The following STK32C variants were observed in gnomAD, a reference collection of about 807,000 sequenced individuals.
The protein encoded by STK32C is serine/threonine kinase 32C.
STK32C carries 31 observed loss-of-function variants against 56.5 expected under a neutral mutation model. That is an observed-to-expected ratio of 0.55 (90% CI 0.41 to 0.74). STK32C has a LOEUF of 0.74. STK32C is among the 30% of genes least tolerant of loss of function. The pLI is 0.00. For missense variants in STK32C, 544 were observed against 676.9 expected (o/e 0.80, Z 2.18); for synonymous variants, 309 against 289.4 (o/e 1.07, Z -0.69).
chr10:132,264,395 G>A (rs140354169), intron 1 of STK32C, among the ~76,000 whole-genome samples: 324 of 152,336 alleles, frequency 2.1e-3, no homozygotes, highest in Admixed American at 3.3e-3. Flanking sequence ...GAACTGAGCC[G>A]CAGGGACCCC....
intron 1 of STK32C, among the ~76,000 whole-genome samples, chr10:132,248,674 A>G (rs1565107400): frequency 6.6e-6 from 1 of 152,212 alleles, no homozygotes; most frequent in Non-Finnish European, 1.5e-5. Flanking sequence ...GGACGGCCAC[A>G]TGGCACCTGC....
rs759334059 is a variant in STK32C at position 132,225,620 on chromosome 10, T to G, written c.683-4A>C. ...AAGTCGGTCAGGTGTGCATGTCCTG[T>G]GCAGAGAGGGGTCAGGTGTGGCTGT... On this transcript the variant is annotated splice_region_variant and splice_polypyrimidine_tract_variant and intron_variant, in intron 5 of 11. Transcript: ENST00000298630. 11 of 1,610,958 alleles carry G rather than the reference T, an allele frequency of 6.8e-6. No individual in the cohort carries two copies. The African/African-American group carries it at 1.5e-4, about 22-fold the overall frequency.
At chr10:132,277,996 G>A (rs1008556916) in intron 1 of STK32C, among the ~76,000 whole-genome samples, 1 of 152,200 alleles carries the variant, frequency 6.6e-6, no homozygotes, top group Non-Finnish European at 1.5e-5. Flanking sequence ...GGCAAAGCAA[G>A]GCTTCGGAGT....
upstream of STK32C, among the ~76,000 whole-genome samples, chr10:132,312,310 C>A (rs2066238721): frequency 6.6e-6 from 1 of 152,068 alleles, no homozygotes; most frequent in Non-Finnish European, 1.5e-5. Context: ...CACCCAGCCT[C>A]TCGTCTAAAT....
rs116980302 is a variant in STK32C, at chr10:132,240,419, C to T, written c.318+5481G>A. ...CACAGGCACTGTCTTCTCGCTGAGA[C>T]GGCACAGGGGGCCCAGGTAAGGTGG... On this transcript the variant is annotated intron_variant, in intron 2 of 11. Transcript: ENST00000298630. Among the ~76,000 whole-genome samples the T allele has an allele frequency of 1.7e-3, 257 of 152,328 alleles. 7 individuals carry two copies. The East Asian group carries it at 0.043, about 25-fold the overall frequency.
rs568242475 is a variant in STK32C, at chr10:132,227,996, C to A, written c.451G>T (p.Val151Phe). The A allele has an allele frequency of 1.2e-6, 2 of 1,613,422 alleles. No homozygotes were observed. The highest frequency in any genetic ancestry group is 1.3e-5 in the African/African-American group (1 of 74,940). The change falls in exon 3 of 12, where the codon GTC becomes TTC. Residue 151 changes from valine to phenylalanine, a missense_variant. Coordinates refer to ENST00000298630, the MANE Select transcript of STK32C (RefSeq NM_173575.4). ...GCTCACCAGAGGTTCACCAGGAAGA[C>A]GTGCTCGATCTCCTGCAGGATCTCC... ...ELEILQEIEH[V>F]FLVNLWYSFQ...
intron 10 of STK32C, among the ~76,000 whole-genome samples, chr10:132,215,344 C>T (rs1300760425): frequency 6.6e-6 from 1 of 152,116 alleles, no homozygotes; most frequent in Non-Finnish European, 1.5e-5. Flanking sequence ...GTTTGGCTGT[C>T]TCCCCACCCC....
chr10:132,273,206 G>A (rs2064884557), intron 1 of STK32C, among the ~76,000 whole-genome samples: 1 of 152,062 alleles, frequency 6.6e-6, no homozygotes, highest in Non-Finnish European at 1.5e-5. Flanking sequence ...AGGCTGACGG[G>A]GCATCTGATA....
At chr10:132,288,175 G>A (rs549338453) in intron 1 of STK32C, among the ~76,000 whole-genome samples, 1 of 152,202 alleles carries the variant, frequency 6.6e-6, no homozygotes, top group African/African-American at 2.4e-5. Context: ...GAGTGAGGGA[G>A]GGAAGAAGAG....
intron 1 of STK32C, among the ~76,000 whole-genome samples, chr10:132,254,528 A>C (rs1276122632): frequency 2.7e-5 from 3 of 112,978 alleles, no homozygotes; most frequent in African/African-American, 1.2e-4. Flanking sequence ...GAGTAAAATA[A>C]GCCTGCCGCA....
At chr10:132,293,934 C>T (rs151011957) in intron 1 of STK32C, among the ~76,000 whole-genome samples, 106 of 152,232 alleles carry the variant, frequency 7.0e-4, no homozygotes, top group African/African-American at 2.4e-3. Context: ...GTCACAGGCA[C>T]GAGGGAAGGG....
chr10:132,329,401 G>C (rs1424539133), intron 1 of STK32C, among the ~76,000 whole-genome samples: 1 of 152,040 alleles, frequency 6.6e-6, no homozygotes, highest in Non-Finnish European at 1.5e-5. Context: ...GTGACAGACT[G>C]AGACCCTGTC....
chr10:132,283,799 G>A lies in STK32C; in HGVS notation c.262+23773C>T, dbSNP rs370498520. Among the ~76,000 whole-genome samples, 221 of 152,220 alleles carry A rather than the reference G, an allele frequency of 1.5e-3. 1 individual carries two copies. Among genetic ancestry groups the A allele is most frequent in the African/African-American group, 4.8e-3 (200 of 41,532 alleles). On this transcript the variant is annotated intron_variant, in intron 1 of 11. Transcript: ENST00000298630. ...AAACACAGCTGCTGCCTCCTCCTCC[G>A]CCCCCATGGCTGGCTGTGGCTCCAC...
intron 7 of STK32C, 42 bp downstream of exon 7, chr10:132,225,191 G>A: frequency 6.6e-7 from 1 of 1,519,524 alleles, no homozygotes; most frequent in East Asian, 2.4e-5. Flanking sequence ...GCAGAGAGCA[G>A]GGGCCTGGCA....
At chr10:132,243,273 A>G (rs889894317) in intron 2 of STK32C, among the ~76,000 whole-genome samples, 6 of 152,188 alleles carry the variant, frequency 3.9e-5, no homozygotes, top group African/African-American at 7.2e-5. Context: ...AACAAGCACA[A>G]TTAGGCAGCG....
intron 1 of STK32C, among the ~76,000 whole-genome samples, chr10:132,277,241 A>G (rs2065020242): frequency 6.6e-6 from 1 of 152,314 alleles, no homozygotes; most frequent in Non-Finnish European, 1.5e-5. Context: ...GAAGGGAGTC[A>G]GGGCCCTCCA....
chr10:132,287,833 A>T (rs1310260270), intron 1 of STK32C, among the ~76,000 whole-genome samples: 1 of 152,154 alleles, frequency 6.6e-6, no homozygotes, highest in Non-Finnish European at 1.5e-5. Flanking sequence ...TCTCTCCTCC[A>T]GAAGAGTACA....
chr10:132,259,887 G>A (rs2064248056), intron 1 of STK32C, among the ~76,000 whole-genome samples: 1 of 152,206 alleles, frequency 6.6e-6, no homozygotes, highest in South Asian at 2.1e-4. Context: ...CTGAATGAAG[G>A]AACTGTGTGT....
At chr10:132,229,747 G>A (rs561557070) in intron 2 of STK32C, among the ~76,000 whole-genome samples, 33 of 152,326 alleles carry the variant, frequency 2.2e-4, no homozygotes, top group African/African-American at 7.7e-4. Flanking sequence ...GCAAAGCGGT[G>A]ACCCTCCCTC....
Sources: allele counts gnomAD v4.1 joint callset (sites outside exome capture counted in the v4.1 genomes callset), GRCh38; gene constraint gnomAD v4.1.1; transcripts MANE v1.5; gene names NCBI Gene and HGNC (gene_info 2026-07-23, HGNC 2026-07-21).